ARHGAP6: variants seen among roughly 807,000 people sequenced by gnomAD.
The protein encoded by ARHGAP6 is Rho GTPase activating protein 6, also known as rho GTPase-activating protein 6.
A neutral mutation model predicts 55.7 loss-of-function variants in ARHGAP6; 16 were observed. That is an observed-to-expected ratio of 0.29 (90% CI 0.19 to 0.44). The LOEUF is 0.44. Among genes scored for constraint, ARHGAP6 ranks in the 20% least tolerant of loss-of-function variants. The pLI is 1.00. For synonymous variants in ARHGAP6, 382 were observed against 360.9 expected, an observed-to-expected ratio of 1.06 and a Z score of -0.66; for missense variants, 698 against 808.9, an observed-to-expected ratio of 0.86 and a Z score of 1.66.
chrX:11,241,116 G>A (rs771322127), intron 2 of ARHGAP6, among the ~76,000 whole-genome samples: 3 of 108,614 alleles, frequency 2.8e-5, no homozygotes, highest in Admixed American at 9.9e-5. Context: ...AAATGCTTCA[G>A]TGAGGAGAAG....
intron 1 of ARHGAP6, among the ~76,000 whole-genome samples, chrX:11,288,203 G>T (rs1430903625): frequency 2.7e-5 from 3 of 112,285 alleles, no homozygotes; most frequent in Non-Finnish European, 3.8e-5. Context: ...GAGTCTTTGT[G>T]TGTTTTAATC....
intron 1 of ARHGAP6, among the ~76,000 whole-genome samples, chrX:11,463,927 C>T (rs979923962): frequency 8.9e-6 from 1 of 112,344 alleles, no homozygotes; most frequent in African/African-American, 3.2e-5. Flanking sequence ...CATGAAATGC[C>T]CTTCAGAAGA....
At chrX:11,235,367 G>A (rs546981766) in intron 2 of ARHGAP6, among the ~76,000 whole-genome samples, 6 of 112,205 alleles carry the variant, frequency 5.3e-5, no homozygotes, top group Non-Finnish European at 9.4e-5. Context: ...GCATAGAGCC[G>A]GGGGGCCCTG....
rs2051442162 is a variant in ARHGAP6 at position 11,566,431 on chromosome X, C to T, written c.588+97810G>A. ...CCCCTGCCCTACAGCTATGCTAATA[C>T]ACACTCTGCTTCCCTTGGAGATTAC... On this transcript the variant is annotated intron_variant, in intron 1 of 12. Coordinates refer to ENST00000337414, the MANE Select transcript of ARHGAP6 (RefSeq NM_013427.3). 2.7e-5 allele frequency among the ~76,000 whole-genome samples: 3 copies of T among 112,270 alleles called. No individual in the cohort carries two copies. The Admixed American group carries it at 2.8e-4, about 11-fold the overall frequency.
At chrX:11,390,050 A>G (rs1426346044) in intron 1 of ARHGAP6, among the ~76,000 whole-genome samples, 1 of 112,152 alleles carries the variant, frequency 8.9e-6, no homozygotes, top group East Asian at 2.8e-4. Context: ...TAGGGTTTTT[A>G]TGGTTTTAGG....
intron 2 of ARHGAP6, among the ~76,000 whole-genome samples, chrX:11,252,509 G>A (rs1041775432): frequency 8.9e-6 from 1 of 112,288 alleles, no homozygotes; most frequent in Non-Finnish European, 1.9e-5. Context: ...TCAAGGATAA[G>A]AGCGACACGG....
chrX:11,450,573 C>T (rs1258531612), intron 1 of ARHGAP6, among the ~76,000 whole-genome samples: 2 of 111,384 alleles, frequency 1.8e-5, no homozygotes, highest in African/African-American at 3.3e-5. Flanking sequence ...TGAACATCTC[C>T]GACATCCTCT....
intron 1 of ARHGAP6, among the ~76,000 whole-genome samples, chrX:11,440,939 T>C (rs1239610490): frequency 8.9e-6 from 1 of 111,977 alleles, no homozygotes; most frequent in Non-Finnish European, 1.9e-5. Flanking sequence ...TTGATTGCCA[T>C]GCCCAAGTGC....
intron 1 of ARHGAP6, among the ~76,000 whole-genome samples, chrX:11,314,284 C>T (rs981641233): frequency 2.7e-5 from 3 of 111,668 alleles, no homozygotes; most frequent in African/African-American, 6.5e-5. Context: ...CTTGTGGATC[C>T]TCTGCCCTGT....
chrX:11,654,033 A>G (rs1223024113), intron 1 of ARHGAP6, among the ~76,000 whole-genome samples: 1 of 111,985 alleles, frequency 8.9e-6, no homozygotes, highest in Non-Finnish European at 1.9e-5. Flanking sequence ...AATCACCTGG[A>G]GGTTCTAATT....
chrX:11,605,699 T>C (rs1015786366), intron 1 of ARHGAP6, among the ~76,000 whole-genome samples: 3 of 111,546 alleles, frequency 2.7e-5, no homozygotes, highest in African/African-American at 9.8e-5. Context: ...TATAAGACTA[T>C]TTCTCCCAGA....
At chrX:11,309,058 AT>A (rs1297563941) in intron 1 of ARHGAP6, among the ~76,000 whole-genome samples, 1 of 111,681 alleles carries the variant, frequency 9.0e-6, no homozygotes, top group African/African-American at 3.3e-5. Flanking sequence ...GCCAGGACAC[AT>A]TGAGCAAATC....
chrX:11,309,512 C>T (rs1225136128), intron 1 of ARHGAP6, among the ~76,000 whole-genome samples: 2 of 110,716 alleles, frequency 1.8e-5, no homozygotes, highest in African/African-American at 6.6e-5. Flanking sequence ...GAAAGTCCTC[C>T]CCAGGCACAG....
At chrX:11,263,069 T>C (rs751634840) in intron 1 of ARHGAP6, among the ~76,000 whole-genome samples, 1 of 111,187 alleles carries the variant, frequency 9.0e-6, no homozygotes, top group East Asian at 2.8e-4. Context: ...CCAAATCTCA[T>C]GTTGAAATAC....
chrX:11,174,627 CT>C (rs1247561711), intron 8 of ARHGAP6, among the ~76,000 whole-genome samples: 2 of 10,731 alleles, frequency 1.9e-4, no homozygotes, highest in Admixed American at 1.3e-3. Context: ...TCTTTCTTTT[CT>C]TTCTTTCTTT....
intron 1 of ARHGAP6, among the ~76,000 whole-genome samples, chrX:11,375,506 T>A (rs930739609): frequency 1.8e-5 from 2 of 112,125 alleles, no homozygotes; most frequent in African/African-American, 6.5e-5. Context: ...TAAACATACC[T>A]CTATATTTAC....
At chrX:11,425,469 C>A (rs1323507983) in intron 1 of ARHGAP6, among the ~76,000 whole-genome samples, 1 of 112,251 alleles carries the variant, frequency 8.9e-6, no homozygotes, top group Non-Finnish European at 1.9e-5. Flanking sequence ...GTGACTGATT[C>A]AGAGCTGCTG....
intron 1 of ARHGAP6, among the ~76,000 whole-genome samples, chrX:11,256,819 A>G (rs1231854508): frequency 1.8e-5 from 2 of 111,724 alleles, no homozygotes; most frequent in Non-Finnish European, 3.8e-5. Context: ...ACATGTATGA[A>G]TTATATCCAG....
intron 2 of ARHGAP6, among the ~76,000 whole-genome samples, chrX:11,206,000 G>C (rs776957301): frequency 8.9e-6 from 1 of 111,814 alleles, no homozygotes; most frequent in South Asian, 3.8e-4. Context: ...AATGAATGAC[G>C]TCACATGCTT....
Sources: gnomAD v4.1 joint callset for allele counts (sites outside exome capture counted in the v4.1 genomes callset) on GRCh38, gnomAD v4.1.1 for gene constraint, MANE v1.5 for transcripts, NCBI Gene and HGNC (gene_info 2026-07-23, HGNC 2026-07-21) for gene names.